Variants in FMN2 observed in about 807,000 individuals in gnomAD.
The protein encoded by FMN2 is formin-2.
In FMN2, 51 loss-of-function variants were observed where a neutral mutation model predicts 142.3. That is an observed-to-expected ratio of 0.36 (90% CI 0.29 to 0.45). FMN2 has a LOEUF of 0.45. Among genes scored for constraint, FMN2 ranks in the 20% least tolerant of loss-of-function variants. FMN2 has a pLI of 1.00. For synonymous variants in FMN2, 882 were observed against 869.8 expected, an observed-to-expected ratio of 1.01 and a Z score of -0.25; for missense variants, 1,936 against 2,122.8, an observed-to-expected ratio of 0.91 and a Z score of 1.73.
chr1:240,207,670 TACCCCCTCC>T lies in FMN2; in HGVS notation c.2859_2867del (p.Ile953_Pro956delinsMet), dbSNP rs775473187. On this transcript the variant is annotated inframe_deletion, in exon 5 of 18. Coordinates refer to ENST00000319653, the MANE Select transcript of FMN2 (RefSeq NM_020066.5). ...CCGCCCCCTCTACCCGGAGCGGCAA[TACCCCCTCC>T]GCCCCCTCTTCCCGGGGCAGGCATA... 4.8e-5 allele frequency: 67 copies of T among 1,407,692 alleles called. 2 individuals carry two copies. The African/African-American group carries it at 1.1e-3, about 22-fold the overall frequency. The allele number at this position is 1,407,692 out of a possible 1,614,324, so 87.2% of individuals were successfully genotyped here.
chr1:240,209,429 A>G (rs1438438605), intron 5 of FMN2, among the ~76,000 whole-genome samples: 3 of 149,380 alleles, frequency 2.0e-5, no homozygotes, highest in African/African-American at 4.9e-5. Flanking sequence ...TTTTTTTTGT[A>G]TTTTCAGTAG....
At chr1:240,278,416 A>T (rs1355263278) in intron 7 of FMN2, among the ~76,000 whole-genome samples, 2 of 152,146 alleles carry the variant, frequency 1.3e-5, no homozygotes, top group African/African-American at 4.8e-5. Flanking sequence ...AAGTCTGGGG[A>T]GTTAACTTTT....
At position 240,092,613 on chromosome 1, in the gene FMN2, G is replaced by A. The variant is rs770425581; in HGVS notation, c.504G>A (p.Gly168=). 6.2e-7 allele frequency: 1 copy of A among 1,614,048 alleles called. No individual in the cohort carries two copies. The highest frequency in any genetic ancestry group is 1.1e-5 in the South Asian group (1 of 91,086). ...PIAEDVETAA[G]AQDGQRTSSG... ...CCGAGGATGTGGAAACTGCAGCAGG[G>A]GCGCAGGATGGACAAAGGACCAGCT... The change falls in exon 1 of 18, where the codon GGG becomes GGA. Residue 168 remains glycine, a synonymous_variant. Transcript: ENST00000319653.
At chr1:240,431,605 T>C (rs1254824708) in intron 15 of FMN2, among the ~76,000 whole-genome samples, 4 of 151,596 alleles carry the variant, frequency 2.6e-5, no homozygotes, top group South Asian at 4.1e-4. Context: ...AGGTTTTTCA[T>C]AGATAGTATT....
intron 7 of FMN2, among the ~76,000 whole-genome samples, chr1:240,279,924 G>A (rs1669343823): frequency 1.3e-5 from 2 of 152,158 alleles, no homozygotes; most frequent in African/African-American, 4.8e-5. Context: ...TATTCCAAAG[G>A]GAGGGTGATA....
chr1:240,119,670 C>G (rs994149455), intron 1 of FMN2, among the ~76,000 whole-genome samples: 1 of 152,134 alleles, frequency 6.6e-6, no homozygotes, highest in African/African-American at 2.4e-5. Flanking sequence ...TACAGAGACC[C>G]TTGATTAAGG....
chr1:240,369,485 C>T (rs768271281), intron 14 of FMN2, among the ~76,000 whole-genome samples: 7 of 151,958 alleles, frequency 4.6e-5, no homozygotes, highest in African/African-American at 7.3e-5. Flanking sequence ...CATATTATGC[C>T]GCCTTCTAAG....
At chr1:240,373,922 C>G (rs147492434) in intron 14 of FMN2, among the ~76,000 whole-genome samples, 151 of 152,322 alleles carry the variant, frequency 9.9e-4, no homozygotes, top group African/African-American at 3.5e-3. Flanking sequence ...CCTACAGCAG[C>G]TATAGCCTTA....
chr1:240,168,158 T>C (rs933740304), intron 2 of FMN2, among the ~76,000 whole-genome samples: 1 of 152,230 alleles, frequency 6.6e-6, no homozygotes, highest in Non-Finnish European at 1.5e-5. Context: ...TCTATAGGGT[T>C]GTGCTATTAT....
chr1:240,108,967 T>C (rs1340741772), intron 1 of FMN2, among the ~76,000 whole-genome samples: 4 of 151,996 alleles, frequency 2.6e-5, no homozygotes, highest in East Asian at 1.9e-4. Context: ...ACCCAGGAGA[T>C]GGAGGTTGCA....
intron 7 of FMN2, among the ~76,000 whole-genome samples, chr1:240,287,242 A>T (rs1274035794): frequency 2.0e-5 from 3 of 152,232 alleles, no homozygotes; most frequent in Non-Finnish European, 2.9e-5. Context: ...CTAGAGTAAG[A>T]TGACAAACCT....
At chr1:240,124,368 C>A (rs113970854) in intron 2 of FMN2, among the ~76,000 whole-genome samples, 3 of 152,236 alleles carry the variant, frequency 2.0e-5, no homozygotes, top group Middle Eastern at 6.8e-3. Flanking sequence ...GAAGTACGGA[C>A]GTGAAGCAGC....
Position 240,380,963 on chromosome 1 carries a change from C to A in FMN2, c.4859-11548C>A, listed in dbSNP as rs576827678. ...AGAGACTATTATGAGCATCTCTATG[C>A]CCACAAACTAGAAAACTTAGTAACA... is the stretch of plus-strand genomic sequence containing the variant. On this transcript the variant is annotated intron_variant, in intron 14 of 17. Coordinates refer to ENST00000319653, the MANE Select transcript of FMN2 (RefSeq NM_020066.5). 3.2e-4 allele frequency among the ~76,000 whole-genome samples: 48 copies of A among 152,176 alleles called. No homozygotes were observed. The South Asian group carries it at 9.5e-3, about 30-fold the overall frequency.
At chr1:240,325,436 T>C (rs1671138401) in intron 8 of FMN2, among the ~76,000 whole-genome samples, 1 of 151,972 alleles carries the variant, frequency 6.6e-6, no homozygotes, top group Non-Finnish European at 1.5e-5. Flanking sequence ...TGTATACTTA[T>C]TAGAGTGTAT....
chr1:240,262,759 CTTTT>C (rs764626617), intron 7 of FMN2, among the ~76,000 whole-genome samples: 1 of 117,782 alleles, frequency 8.5e-6, no homozygotes. Flanking sequence ...AAAACTTTTA[CTTTT>C]TTTTTTTTTT....
chr1:240,352,771 A>G (rs899374207), intron 13 of FMN2, among the ~76,000 whole-genome samples: 7 of 152,204 alleles, frequency 4.6e-5, no homozygotes, highest in African/African-American at 1.4e-4. Flanking sequence ...AATTTATGAC[A>G]TGATTTAAGT....
At chr1:240,259,596 A>G (rs888719573) in intron 7 of FMN2, among the ~76,000 whole-genome samples, 22 of 151,448 alleles carry the variant, frequency 1.5e-4, no homozygotes, top group African/African-American at 4.6e-4. Flanking sequence ...GTCTGCAAAC[A>G]GGATTTACAT....
chr1:240,433,376 G>A (rs534268488), intron 15 of FMN2, among the ~76,000 whole-genome samples: 11 of 152,288 alleles, frequency 7.2e-5, no homozygotes, highest in Admixed American at 2.0e-4. Context: ...ATAGATGCGC[G>A]AGGAAAACAT....
At chr1:240,255,248 TTC>T (rs1350232381) in intron 6 of FMN2, among the ~76,000 whole-genome samples, 1 of 152,180 alleles carries the variant, frequency 6.6e-6, no homozygotes, top group Non-Finnish European at 1.5e-5. Flanking sequence ...AATTCCAATG[TTC>T]TCTCTTATGT....
Sources: gnomAD v4.1 joint callset for allele counts (sites outside exome capture counted in the v4.1 genomes callset) on GRCh38, gnomAD v4.1.1 for gene constraint, MANE v1.5 for transcripts, NCBI Gene and HGNC (gene_info 2026-07-23, HGNC 2026-07-21) for gene names.